Variants in NAALADL2 observed in about 807,000 individuals in gnomAD.
NAALADL2 encodes the protein inactive N-acetylated-alpha-linked acidic dipeptidase-like protein 2.
Under a neutral mutation model 87.2 loss-of-function variants are expected in NAALADL2, and 76 were observed. That is an observed-to-expected ratio of 0.87 (90% CI 0.72 to 1.05). The LOEUF is 1.05. Among genes scored for constraint, NAALADL2 ranks in the 50% least tolerant of loss-of-function variants. The pLI is 0.00. For synonymous variants in NAALADL2, 354 were observed against 331.0 expected, an observed-to-expected ratio of 1.07 and a Z score of -0.75; for missense variants, 1,089 against 945.8, an observed-to-expected ratio of 1.15 and a Z score of -1.99.
chr3:175,649,574 C>T (rs1341155557), intron 11 of NAALADL2, among the ~76,000 whole-genome samples: 1 of 152,100 alleles, frequency 6.6e-6, no homozygotes, highest in Non-Finnish European at 1.5e-5. Context: ...AGAGTCTCCC[C>T]TTGGGTTGCA....
At chr3:175,222,519 C>T (rs942085855) in intron 2 of NAALADL2, among the ~76,000 whole-genome samples, 1 of 152,160 alleles carries the variant, frequency 6.6e-6, no homozygotes, top group Non-Finnish European at 1.5e-5. Context: ...GCTCTGCCAA[C>T]CTTCATTAAT....
At chr3:175,042,245 G>T (rs1422596538) in intron 1 of NAALADL2, among the ~76,000 whole-genome samples, 1 of 152,110 alleles carries the variant, frequency 6.6e-6, no homozygotes, top group Non-Finnish European at 1.5e-5. Flanking sequence ...ACAAATGGCA[G>T]AATTTCCTTC....
At chr3:175,628,757 A>T (rs1727356522) in intron 11 of NAALADL2, among the ~76,000 whole-genome samples, 1 of 150,296 alleles carries the variant, frequency 6.7e-6, no homozygotes, top group Non-Finnish European at 1.5e-5. Flanking sequence ...TTTTAAAAAG[A>T]GGAAATATGG....
intron 1 of NAALADL2, among the ~76,000 whole-genome samples, chr3:175,064,239 G>T (rs1714112649): frequency 1.4e-5 from 2 of 139,784 alleles, no homozygotes; most frequent in Non-Finnish European, 3.1e-5. Flanking sequence ...TACTCTTGGG[G>T]AAAAGAAGAA....
At chr3:175,408,460 T>C (rs997622201) in intron 5 of NAALADL2, among the ~76,000 whole-genome samples, 3 of 152,026 alleles carry the variant, frequency 2.0e-5, no homozygotes, top group African/African-American at 7.2e-5. Flanking sequence ...CTAACAAATA[T>C]TTAATATCTC....
chr3:174,622,459 C>A (rs1251537893), intron 2 of NAALADL2, among the ~76,000 whole-genome samples: 1 of 152,010 alleles, frequency 6.6e-6, no homozygotes, highest in African/African-American at 2.4e-5. Flanking sequence ...TTACAGTTGA[C>A]CATTGAACAA....
chr3:175,497,213 T>C (rs1281263309), intron 9 of NAALADL2, among the ~76,000 whole-genome samples: 1 of 152,080 alleles, frequency 6.6e-6, no homozygotes, highest in Admixed American at 6.6e-5. Flanking sequence ...TAGCTGAGAC[T>C]TACAGGCACC....
chr3:174,576,723 C>T (rs375816973), intron 2 of NAALADL2, among the ~76,000 whole-genome samples: 1 of 152,254 alleles, frequency 6.6e-6, no homozygotes, highest in East Asian at 1.9e-4. Context: ...GCCACTCTTT[C>T]AAGGGAACTT....
chr3:174,657,093 G>A lies in NAALADL2; in HGVS notation c.-114-80548G>A, dbSNP rs181252493. On this transcript the variant is annotated intron_variant, in intron 2 of 3. Coordinates refer to the NAALADL2 transcript ENST00000434257. ...TGCCTAGATTGGAGTTCAACGGTGT[G>A]ATCTTTGCTCACTACAACCTCTACC... Among the ~76,000 whole-genome samples, 140 of 119,724 alleles carry A rather than the reference G, an allele frequency of 1.2e-3. 2 individuals are homozygous for A. Among genetic ancestry groups the A allele is most frequent in the Middle Eastern group, 5.6e-3 (1 of 178 alleles). 78.5% of individuals were successfully genotyped at this position (119,724 alleles called of 152,430 possible).
chr3:174,988,511 CA>C (rs1746281462), intron 1 of NAALADL2, among the ~76,000 whole-genome samples: 1 of 152,148 alleles, frequency 6.6e-6, no homozygotes, highest in African/African-American at 2.4e-5. Flanking sequence ...CTGCCACAAC[CA>C]CATGCCACAA....
chr3:175,205,048 A>T (rs1241892134), intron 2 of NAALADL2, among the ~76,000 whole-genome samples: 2 of 152,126 alleles, frequency 1.3e-5, no homozygotes, highest in African/African-American at 4.8e-5. Flanking sequence ...CTACAAATTC[A>T]ATATAATTCC....
At chr3:175,100,590 C>A (rs139677444) in intron 2 of NAALADL2, among the ~76,000 whole-genome samples, 8 of 152,236 alleles carry the variant, frequency 5.3e-5, no homozygotes, top group East Asian at 1.9e-4. Flanking sequence ...GTAATCCCAG[C>A]AGTTTGGGAG....
intron 1 of NAALADL2, among the ~76,000 whole-genome samples, chr3:175,022,756 C>A (rs9878985): frequency 2.0e-5 from 3 of 151,874 alleles, no homozygotes; most frequent in African/African-American, 7.3e-5. Flanking sequence ...AATGTATTGA[C>A]GGATTAACAG....
chr3:175,464,354 G>A (rs143317030), intron 7 of NAALADL2, among the ~76,000 whole-genome samples: 29 of 151,532 alleles, frequency 1.9e-4, no homozygotes, highest in African/African-American at 5.8e-4. Context: ...AATCTGGGAG[G>A]CGGAGGTTGC....
chr3:174,503,197 T>C (rs1397111790), intron 1 of NAALADL2, among the ~76,000 whole-genome samples: 1 of 152,180 alleles, frequency 6.6e-6, no homozygotes, highest in African/African-American at 2.4e-5. Context: ...AAGGGACATA[T>C]AGGACATGAG....
intron 1 of NAALADL2, among the ~76,000 whole-genome samples, chr3:175,051,512 C>T (rs1755388272): frequency 6.6e-6 from 1 of 152,130 alleles, no homozygotes; most frequent in South Asian, 2.1e-4. Flanking sequence ...CACAGGTAGT[C>T]CCCTGTTCCA....
chr3:174,872,712 G>A (rs1426004688), intron 1 of NAALADL2, among the ~76,000 whole-genome samples: 1 of 148,994 alleles, frequency 6.7e-6, no homozygotes, highest in African/African-American at 2.5e-5. Flanking sequence ...AAAAACCAAT[G>A]TATTCATCTA....
At chr3:174,888,101 G>A (rs192673639) in intron 1 of NAALADL2, among the ~76,000 whole-genome samples, 1 of 152,288 alleles carries the variant, frequency 6.6e-6, no homozygotes, top group African/African-American at 2.4e-5. Context: ...AGCCAGCAAT[G>A]TGAGGATCAC....
At position 174,702,501 on chromosome 3, in the gene NAALADL2, C is replaced by T. The variant is rs868328076; in HGVS notation, c.-114-35140C>T. Among the ~76,000 whole-genome samples, 9 of 152,196 alleles carry T rather than the reference C, an allele frequency of 5.9e-5. No individual in the cohort carries two copies. In the Middle Eastern group the frequency reaches 0.01, roughly 173 times the overall value. ...CATTAAAATCTAATGTATGGTCACA[C>T]GTCACTTAATGATTGGGATACATTC... On this transcript the variant is annotated intron_variant, in intron 2 of 3. Coordinates refer to the NAALADL2 transcript ENST00000434257.
Sources: gnomAD v4.1 joint callset for allele counts (sites outside exome capture counted in the v4.1 genomes callset) on GRCh38, gnomAD v4.1.1 for gene constraint, MANE v1.5 for transcripts, NCBI Gene and HGNC (gene_info 2026-07-23, HGNC 2026-07-21) for gene names.